Variants in ZPBP2 observed in about 807,000 individuals in gnomAD.
ZPBP2 encodes the protein zona pellucida-binding protein 2.
Under a neutral mutation model 37.5 loss-of-function variants are expected in ZPBP2, and 34 were observed. The observed-to-expected ratio is 0.91, with a 90% CI of 0.69 to 1.21. The LOEUF is 1.21. ZPBP2 is among the 50% of genes most tolerant of loss of function. The probability of loss-of-function intolerance (pLI) is 0.00; values close to 1 mark genes in which losing one functional copy is unlikely to be tolerated. For missense variants in ZPBP2, 397 were observed against 413.5 expected (o/e 0.96, Z 0.35); for synonymous variants, 143 against 138.4 (o/e 1.03, Z -0.23).
rs1402827082 is a variant in ZPBP2 at position 39,868,288 on chromosome 17, T to C, written c.-67T>C. ...GCACTGTGGAGGAGGTGGGGAGGTG[T>C]TGGGCCAGGGCTGAGGTAGGAGGGA... On this transcript the variant is annotated 5_prime_UTR_variant, in exon 1 of 8. Coordinates refer to ENST00000348931, the MANE Select transcript of ZPBP2 (RefSeq NM_199321.3). 3.2e-6 allele frequency: 5 copies of C among 1,570,582 alleles called. No individual in the cohort carries two copies. Among genetic ancestry groups the C allele is most frequent in the African/African-American group, 1.3e-5 (1 of 74,468 alleles).
Position 39,876,701 on chromosome 17 carries a change from T to A in ZPBP2, c.909T>A (p.Thr303=). ...CTGCAGTGGTTTGTAGTCCTGCGAC[T>A]TTTAGTCCTGATGTTAATGTAACTT... The part of the protein sequence containing the change: ...ASCCVVCSPA[T]FSPDVNVTCQ... The change falls in exon 8 of 8, where the codon ACT becomes ACA. Residue 303 remains threonine (T), a synonymous_variant. Coordinates refer to ENST00000348931, the MANE Select transcript of ZPBP2 (RefSeq NM_199321.3). 1 of 1,613,890 alleles carries A rather than the reference T, an allele frequency of 6.2e-7. No individual in the cohort carries two copies. The highest frequency in any genetic ancestry group is 8.5e-7 in the Non-Finnish European group (1 of 1,179,862).
intron 7 of ZPBP2, among the ~76,000 whole-genome samples, chr17:39,876,172 G>T (rs1462618675): frequency 6.6e-6 from 1 of 152,000 alleles, no homozygotes; most frequent in Admixed American, 6.6e-5. Flanking sequence ...GCCCGCCTTG[G>T]CCTCCCAAAG....
rs1425906959 is a variant in ZPBP2, at chr17:39,868,935, C to A, written c.118+321C>A. ...CCACGCAAAGGAGTGATTTCCAAGG[C>A]CTTCTGTTTGGAATATCTTTAATCC... On this transcript the variant is annotated intron_variant, in intron 2 of 7. Transcript: ENST00000348931. Among the ~76,000 whole-genome samples, 4 of 152,254 alleles carry A rather than the reference C, an allele frequency of 2.6e-5. No homozygotes were observed. The East Asian group carries it at 7.7e-4, about 29-fold the overall frequency.
Position 39,868,271 on chromosome 17 carries a change from G to C in ZPBP2, c.-84G>C. On this transcript the variant is annotated 5_prime_UTR_variant, in exon 1 of 8. Coordinates refer to ENST00000348931, the MANE Select transcript of ZPBP2 (RefSeq NM_199321.3). ...CCCCGGCGTTCTGCTCCGCACTGTGGAGGAGGTGGGGAGGTGTTGGGCCAG... is the reference window on the plus strand; with the variant it reads ...CCCCGGCGTTCTGCTCCGCACTGTGCAGGAGGTGGGGAGGTGTTGGGCCAG... 6.6e-7 allele frequency: 1 copy of C among 1,510,216 alleles called. No homozygotes were observed. The highest frequency in any genetic ancestry group is 1.4e-5 in the African/African-American group (1 of 73,526). The allele number at this position is 1,510,216 out of a possible 1,614,324, so 93.6% of individuals were successfully genotyped here.
intron 2 of ZPBP2, among the ~76,000 whole-genome samples, chr17:39,869,411 T>C (rs2063351467): frequency 2.1e-5 from 3 of 146,000 alleles, no homozygotes; most frequent in Admixed American, 2.0e-4. Context: ...CCTTCTTTTT[T>C]TTTTTTTTTT....
At chr17:39,873,603 G>C (rs1289186608) in intron 6 of ZPBP2, among the ~76,000 whole-genome samples, 2 of 152,056 alleles carry the variant, frequency 1.3e-5, no homozygotes, top group East Asian at 3.8e-4. Context: ...TGTAATATTA[G>C]ATAGTTCCCA....
intron 6 of ZPBP2, 141 bp downstream of exon 6, chr17:39,873,267 G>A: frequency 3.6e-6 from 2 of 551,580 alleles, no homozygotes; most frequent in Non-Finnish European, 6.0e-6. Context: ...TCCTCCCTCA[G>A]CCAAGGAGGA....
chr17:39,875,694 G>A (rs2063386566), intron 7 of ZPBP2, among the ~76,000 whole-genome samples: 1 of 151,508 alleles, frequency 6.6e-6, no homozygotes. Flanking sequence ...CGTCTCCAGG[G>A]TTCAAGTGAT....
chr17:39,872,225 C>T (rs34523816), intron 4 of ZPBP2, 45 bp from the exon 5 acceptor site: 1 of 1,437,324 alleles, frequency 7.0e-7, no homozygotes, highest in Admixed American at 2.3e-5. Context: ...GAAATTAATG[C>T]TAGGTACGAT....
intron 4 of ZPBP2, 32 bp downstream of exon 4, chr17:39,871,657 T>C: frequency 1.3e-6 from 2 of 1,485,888 alleles, no homozygotes; most frequent in Non-Finnish European, 1.8e-6. Flanking sequence ...AACTTATACA[T>C]TTAGTTTGGA....
chr17:39,877,644 G>A lies in ZPBP2; in HGVS notation c.*835G>A, dbSNP rs1321879381. The stretch of plus-strand genomic sequence containing the variant: ...CACTGATCTTTTTACTGTCTCTACA[G>A]TTTTGCCTTTTCCAAAATGTCATGT... On this transcript the variant is annotated 3_prime_UTR_variant, in exon 8 of 8. Coordinates refer to ENST00000348931, the MANE Select transcript of ZPBP2 (RefSeq NM_199321.3). The A allele has an allele frequency of 1.3e-5, 2 of 152,128 alleles. No homozygotes were observed. Among genetic ancestry groups the A allele is most frequent in the African/African-American group, 4.8e-5 (2 of 41,428 alleles). The allele number at this position is 152,128 out of a possible 1,614,324, so 9.4% of individuals were successfully genotyped here.
intron 3 of ZPBP2, among the ~76,000 whole-genome samples, chr17:39,871,233 C>T (rs1490284003): frequency 6.6e-6 from 1 of 151,898 alleles, no homozygotes; most frequent in Non-Finnish European, 1.5e-5. Context: ...TGGGATGAAC[C>T]AATTGAAACT....
chr17:39,868,662 G>A (rs1410563066), intron 2 of ZPBP2, 48 bp downstream of exon 2: 1 of 1,607,598 alleles, frequency 6.2e-7, no homozygotes, highest in Non-Finnish European at 8.5e-7. Context: ...GGCCGGAACT[G>A]CGAAGCTCTT....
rs1340915756 is a variant in ZPBP2, at chr17:39,872,305, G to A, written c.442G>A (p.Val148Ile). The A allele has an allele frequency of 6.2e-7, 1 of 1,609,238 alleles. No homozygotes were observed. Among genetic ancestry groups the A allele is most frequent in the South Asian group, 1.1e-5 (1 of 90,104 alleles). The change falls in exon 5 of 8, where the codon GTA (valine) becomes ATA (isoleucine). Residue 148 changes from valine (V) to isoleucine (I), a missense_variant. Val to Ile is a conservative substitution (Grantham distance 29, BLOSUM62 3). Coordinates refer to ENST00000348931, the MANE Select transcript of ZPBP2 (RefSeq NM_199321.3). ...REPDYSYQMA[V>I]RFTTRSCIGR... Reference sequence around the variant, plus strand: ...ACCTGATTATTCATATCAGATGGCTGTACGTTTTACCACAAGGTCTTGTAT... The same window carrying A: ...ACCTGATTATTCATATCAGATGGCTATACGTTTTACCACAAGGTCTTGTAT...
At chr17:39,869,707 CTTTTTTTTTTTT>C (rs59544817) in intron 2 of ZPBP2, among the ~76,000 whole-genome samples, 1 of 93,010 alleles carries the variant, frequency 1.1e-5, no homozygotes, top group Non-Finnish European at 2.0e-5. Flanking sequence ...ACCAGCCAAT[CTTTTTTTTTTTT>C]TTTTTTTTTT....
chr17:39,876,560 T>C, intron 7 of ZPBP2, 122 bp from the exon 8 acceptor site: 2 of 1,043,854 alleles, frequency 1.9e-6, no homozygotes, highest in Non-Finnish European at 1.4e-6. Context: ...CCTGGTATAA[T>C]ATAGGTACTG....
In ZPBP2 at chr17:39,871,550, C is replaced by G; in HGVS notation, c.331C>G (p.Leu111Val). The change falls in exon 4 of 8, where the codon CTT becomes GTT. Residue 111 changes from leucine (L) to valine (V), a missense_variant. Coordinates refer to ENST00000348931, the MANE Select transcript of ZPBP2 (RefSeq NM_199321.3). The part of the protein sequence containing the change: ...EPLSGLYTCT[L>V]SYKTVKAETQ... ...TTTGTCTGGACTTTACACATGTACTCTTTCTTATAAGACTGTTAAAGCAGA... is the reference window on the plus strand; with the variant it reads ...TTTGTCTGGACTTTACACATGTACTGTTTCTTATAAGACTGTTAAAGCAGA... 1 of 1,608,770 alleles carries G rather than the reference C, an allele frequency of 6.2e-7. No individual in the cohort carries two copies. The highest frequency in any genetic ancestry group is 8.5e-7 in the Non-Finnish European group (1 of 1,177,654).
intron 6 of ZPBP2, among the ~76,000 whole-genome samples, chr17:39,873,640 G>A (rs2063375552): frequency 6.6e-6 from 1 of 152,016 alleles, no homozygotes; most frequent in South Asian, 2.1e-4. Context: ...TTTTATCTAT[G>A]ACAGAAGGAT....
Position 39,876,848 on chromosome 17 carries a change from C to G in ZPBP2, c.*39C>G. On this transcript the variant is annotated 3_prime_UTR_variant, in exon 8 of 8. Coordinates refer to ENST00000348931, the MANE Select transcript of ZPBP2 (RefSeq NM_199321.3). ...GTTACTTACTTGTGGAAGTCGGGGACATAAGATGATTTTCACATCCCAGAG... is the reference window on the plus strand; with the variant it reads ...GTTACTTACTTGTGGAAGTCGGGGAGATAAGATGATTTTCACATCCCAGAG... 1 of 1,609,218 alleles carries G rather than the reference C, an allele frequency of 6.2e-7. No individual in the cohort carries two copies. Among genetic ancestry groups the G allele is most frequent in the Non-Finnish European group, 8.5e-7 (1 of 1,177,172 alleles).
Sources: gnomAD v4.1 joint callset for allele counts (sites outside exome capture counted in the v4.1 genomes callset) on GRCh38, gnomAD v4.1.1 for gene constraint, MANE v1.5 for transcripts, NCBI Gene and HGNC (gene_info 2026-07-23, HGNC 2026-07-21) for gene names.